The following SOBP variants were observed in gnomAD, a reference collection of about 807,000 sequenced individuals.
SOBP encodes sine oculis binding protein homolog, also known as sine oculis-binding protein homolog.
In SOBP, 4 loss-of-function variants were observed where a neutral mutation model predicts 53.6. The observed-to-expected ratio is 0.07, with a 90% CI of 0.04 to 0.17. SOBP has a LOEUF of 0.17. Ranked by LOEUF, SOBP falls within the 10% of genes least tolerant of loss-of-function variation. The probability of loss-of-function intolerance (pLI) is 1.00; values close to 1 mark genes in which losing one functional copy is unlikely to be tolerated. For synonymous variants in SOBP, 584 were observed against 522.6 expected (o/e 1.12, Z -1.60); for missense variants, 1,088 against 1,204.7 (o/e 0.90, Z 1.43).
At chr6:107,610,649 G>A (rs950902657) in intron 5 of SOBP, among the ~76,000 whole-genome samples, 1 of 152,232 alleles carries the variant, frequency 6.6e-6, no homozygotes, top group African/African-American at 2.4e-5. Flanking sequence ...GCATTTCAAA[G>A]CATTCAGGTC....
At chr6:107,568,607 G>A (rs946509345) in intron 4 of SOBP, among the ~76,000 whole-genome samples, 6 of 152,320 alleles carry the variant, frequency 3.9e-5, no homozygotes, top group South Asian at 4.1e-4. Flanking sequence ...TTGCCCAGAC[G>A]AAAGGGTTAG....
At chr6:107,573,858 T>G (rs1239124028) in intron 4 of SOBP, among the ~76,000 whole-genome samples, 2 of 152,328 alleles carry the variant, frequency 1.3e-5, no homozygotes, top group Non-Finnish European at 1.5e-5. Flanking sequence ...AGATTGTGTA[T>G]GAATAGAGCT....
At chr6:107,548,073 A>G (rs1473516218) in intron 4 of SOBP, among the ~76,000 whole-genome samples, 1 of 152,114 alleles carries the variant, frequency 6.6e-6, no homozygotes, top group African/African-American at 2.4e-5. Flanking sequence ...ATTGAGTATG[A>G]GGGATTTGTG....
chr6:107,583,919 G>T (rs1785486029), intron 4 of SOBP, among the ~76,000 whole-genome samples: 2 of 152,192 alleles, frequency 1.3e-5, no homozygotes, highest in Non-Finnish European at 2.9e-5. Flanking sequence ...ATGCTCCAAT[G>T]AACATTTACT....
At chr6:107,524,435 T>C (rs1280633924) in intron 3 of SOBP, among the ~76,000 whole-genome samples, 2 of 152,228 alleles carry the variant, frequency 1.3e-5, no homozygotes, top group African/African-American at 2.4e-5. Context: ...ACGATTTTAA[T>C]TGAGCATCTT....
chr6:107,602,413 T>C (rs889346001), intron 5 of SOBP, among the ~76,000 whole-genome samples: 6 of 152,148 alleles, frequency 3.9e-5, no homozygotes, highest in Non-Finnish European at 8.8e-5. Flanking sequence ...GCTTCTCAGC[T>C]TCCTTCAATC....
chr6:107,591,580 G>T (rs1433728981), intron 5 of SOBP, among the ~76,000 whole-genome samples: 3 of 152,164 alleles, frequency 2.0e-5, no homozygotes, highest in African/African-American at 7.2e-5. Flanking sequence ...GAAAGTATGG[G>T]CCAGGTGCAC....
In SOBP at chr6:107,503,728, T is replaced by A. The variant is rs781699567; in HGVS notation, c.168T>A (p.Gly56=). ...ATGATAAGGTTGAATTAAAAGATGGTGAGGATATTGAATTCAGGAGCTACC... is the reference window on the plus strand; with the variant it reads ...ATGATAAGGTTGAATTAAAAGATGGAGAGGATATTGAATTCAGGAGCTACC... ...YGYDKVELKD[G]EDIEFRSYPT... is the part of the protein sequence containing the mutation. The change falls in exon 2 of 7, where the codon GGT becomes GGA. Residue 56 remains glycine (G), a synonymous_variant. Transcript: ENST00000317357. The A allele has an allele frequency of 1.2e-6, 2 of 1,613,974 alleles. No individual in the cohort carries two copies. The highest frequency in any genetic ancestry group is 2.7e-5 in the African/African-American group (2 of 74,908).
chr6:107,567,793 T>C (rs1784960702), intron 4 of SOBP, among the ~76,000 whole-genome samples: 1 of 152,172 alleles, frequency 6.6e-6, no homozygotes, highest in South Asian at 2.1e-4. Context: ...AGCAGCTGCT[T>C]ATACCTGGGT....
At position 107,561,393 on chromosome 6, in the gene SOBP, C is replaced by A. The variant is rs527512185; in HGVS notation, c.574-25687C>A. Among the ~76,000 whole-genome samples, 68 of 152,148 alleles carry A rather than the reference C, an allele frequency of 4.5e-4. 1 individual carries two copies. The highest frequency in any genetic ancestry group is 8.1e-4 in the Non-Finnish European group (55 of 68,020). ...TGTGGACAATTTCTCCAACCATAGC[C>A]CTTTAATGGGAATTATTTTCCATAG... is the stretch of plus-strand genomic sequence containing the variant. On this transcript the variant is annotated intron_variant, in intron 4 of 6. Transcript: ENST00000317357.
intron 6 of SOBP, among the ~76,000 whole-genome samples, chr6:107,640,848 A>C (rs1321387354): frequency 1.3e-5 from 2 of 152,150 alleles, no homozygotes; most frequent in African/African-American, 2.4e-5. Flanking sequence ...TAGGGCAGAG[A>C]CTTTGAGGAG....
At chr6:107,503,945 T>C in intron 2 of SOBP, 150 bp downstream of exon 2, 1 of 969,176 alleles carries the variant, frequency 1.0e-6, no homozygotes. Flanking sequence ...TGCTTTCCCA[T>C]AAGCAGAATT....
At chr6:107,636,470 G>A (rs1041222208) in intron 6 of SOBP, among the ~76,000 whole-genome samples, 1 of 152,230 alleles carries the variant, frequency 6.6e-6, no homozygotes, top group African/African-American at 2.4e-5. Context: ...GGCAGATGAA[G>A]CTTAGATACT....
At chr6:107,518,226 G>T (rs1476611915) in intron 3 of SOBP, among the ~76,000 whole-genome samples, 1 of 152,118 alleles carries the variant, frequency 6.6e-6, no homozygotes, top group Non-Finnish European at 1.5e-5. Flanking sequence ...CAAGTTATCA[G>T]TAAACATGAA....
At chr6:107,501,000 A>G (rs946575017) in intron 1 of SOBP, among the ~76,000 whole-genome samples, 1 of 152,160 alleles carries the variant, frequency 6.6e-6, no homozygotes, top group African/African-American at 2.4e-5. Flanking sequence ...TTGAAGTTTT[A>G]TAAATCTTTG....
rs1479479631 is a variant in SOBP at position 107,656,375 on chromosome 6, C to CT, written c.*4-1832_*4-1831insT. 4.2e-5 allele frequency among the ~76,000 whole-genome samples: 6 copies of CT among 141,366 alleles called. No individual in the cohort carries two copies. The East Asian group carries it at 1.4e-3, about 32-fold the overall frequency. The allele number at this position is 141,366 out of a possible 152,430, so 92.7% of individuals were successfully genotyped here. A position where few individuals can be genotyped will look rare whatever the true frequency, so the allele number is the denominator to read the frequency against. On this transcript the variant is annotated intron_variant, in intron 6 of 6. Transcript: ENST00000317357. ...AAAGAAAGAAAGAAAGAAAGTAAGT[C>CT]AAATGTGAGCTCTTTATTCAGAAAT...
chr6:107,546,420 G>T (rs1019575872), intron 4 of SOBP, among the ~76,000 whole-genome samples: 1 of 152,162 alleles, frequency 6.6e-6, no homozygotes, highest in African/African-American at 2.4e-5. Flanking sequence ...AATAAAGTAT[G>T]ATGTTGCTGA....
At chr6:107,590,901 T>C (rs1313573579) in intron 5 of SOBP, among the ~76,000 whole-genome samples, 1 of 152,186 alleles carries the variant, frequency 6.6e-6, no homozygotes, top group Non-Finnish European at 1.5e-5. Context: ...CATGACATTA[T>C]TGAGCATCTT....
chr6:107,554,675 G>A (rs1016721792), intron 4 of SOBP, among the ~76,000 whole-genome samples: 1 of 152,198 alleles, frequency 6.6e-6, no homozygotes, highest in Non-Finnish European at 1.5e-5. Flanking sequence ...CACAGAGTGG[G>A]TTTGGTGGGT....
Sources: allele counts gnomAD v4.1 joint callset (sites outside exome capture counted in the v4.1 genomes callset), GRCh38; gene constraint gnomAD v4.1.1; transcripts MANE v1.5; gene names NCBI Gene and HGNC (gene_info 2026-07-23, HGNC 2026-07-21).